Variants in TCF7L2 observed in about 807,000 individuals in gnomAD.
TCF7L2 encodes the protein transcription factor 7-like 2.
In TCF7L2, 23 loss-of-function variants were observed where a neutral mutation model predicts 77.9. That is an observed-to-expected ratio of 0.30 (90% CI 0.21 to 0.42). The LOEUF is 0.42. TCF7L2 is among the 10% of genes least tolerant of loss of function. The probability of loss-of-function intolerance (pLI) is 1.00; values close to 1 mark genes in which losing one functional copy is unlikely to be tolerated. For missense variants in TCF7L2, 654 were observed against 793.1 expected (o/e 0.82, Z 2.11); for synonymous variants, 413 against 340.2 (o/e 1.21, Z -2.36).
chr10:113,016,414 G>C (rs886104597), intron 4 of TCF7L2, among the ~76,000 whole-genome samples: 2 of 152,184 alleles, frequency 1.3e-5, no homozygotes, highest in African/African-American at 4.8e-5. Flanking sequence ...TGGGGAATCA[G>C]CTTGCTTCCT....
chr10:113,021,640 C>T (rs1047702270), intron 4 of TCF7L2, among the ~76,000 whole-genome samples: 9 of 152,200 alleles, frequency 5.9e-5, no homozygotes, highest in Non-Finnish European at 1.3e-4. Flanking sequence ...AAGTAACCCC[C>T]CCAGGGTCTC....
chr10:113,081,899 A>G (rs1010812988), intron 5 of TCF7L2, among the ~76,000 whole-genome samples: 6 of 152,286 alleles, frequency 3.9e-5, no homozygotes, highest in South Asian at 4.1e-4. Context: ...GTGCAGTGGC[A>G]TGATCTCGGC....
At chr10:113,144,486 G>A (rs1269774838) in intron 7 of TCF7L2, among the ~76,000 whole-genome samples, 4 of 152,092 alleles carry the variant, frequency 2.6e-5, no homozygotes, top group African/African-American at 7.2e-5. Flanking sequence ...GAACAAGAAC[G>A]GCCTTGTTTT....
At chr10:113,136,295 G>GGGGTA (rs1195852704) in intron 5 of TCF7L2, among the ~76,000 whole-genome samples, 1 of 152,186 alleles carries the variant, frequency 6.6e-6, no homozygotes, top group African/African-American at 2.4e-5. Context: ...TAGTGCTTCA[G>GGGGTA]GGGTAGCAGC....
intron 5 of TCF7L2, among the ~76,000 whole-genome samples, chr10:113,133,948 G>C (rs1318010231): frequency 6.6e-6 from 1 of 152,214 alleles, no homozygotes; most frequent in East Asian, 1.9e-4. Context: ...GCTGTGTACT[G>C]CGGCTGGCAG....
chr10:113,088,075 C>T (rs985817620), intron 5 of TCF7L2, among the ~76,000 whole-genome samples: 3 of 152,072 alleles, frequency 2.0e-5, no homozygotes, highest in Non-Finnish European at 4.4e-5. Flanking sequence ...ATGAAAAAAT[C>T]GTTCATGGAG....
At chr10:113,102,446 A>G (rs1237274792) in intron 5 of TCF7L2, among the ~76,000 whole-genome samples, 1 of 147,182 alleles carries the variant, frequency 6.8e-6, no homozygotes, top group Non-Finnish European at 1.5e-5. Context: ...TTTTTTTGAG[A>G]CAGAGTCTCG....
chr10:112,965,516 G>A (rs2036530638), intron 4 of TCF7L2, among the ~76,000 whole-genome samples: 2 of 152,198 alleles, frequency 1.3e-5, no homozygotes, highest in African/African-American at 4.8e-5. Context: ...AGGTCTAGCT[G>A]GAGAGCCTTC....
chr10:112,987,406 G>A (rs2041739807), intron 4 of TCF7L2: 1 of 143,444 alleles, frequency 7.0e-6, no homozygotes, highest in South Asian at 2.2e-4. Flanking sequence ...GAGCTTCCAG[G>A]AAGCAGAAGT....
chr10:113,161,559 C>T (rs1424799605), intron 13 of TCF7L2: 2 of 1,536,004 alleles, frequency 1.3e-6, no homozygotes, highest in African/African-American at 2.7e-5. Context: ...TGTGTTGTTT[C>T]TTTGTTCTGA....
At chr10:112,971,976 A>G (rs551773704) in intron 4 of TCF7L2, among the ~76,000 whole-genome samples, 1 of 151,328 alleles carries the variant, frequency 6.6e-6, no homozygotes, top group East Asian at 2.0e-4. Flanking sequence ...GCTGGTGTGC[A>G]GTGGTGCGAT....
At chr10:113,121,599 C>T (rs916471032) in intron 5 of TCF7L2, among the ~76,000 whole-genome samples, 3 of 152,156 alleles carry the variant, frequency 2.0e-5, no homozygotes, top group African/African-American at 7.2e-5. Flanking sequence ...AGGGAAAACA[C>T]TAACACAAAG....
intron 13 of TCF7L2, among the ~76,000 whole-genome samples, chr10:113,164,943 C>G (rs1230213410): frequency 6.6e-6 from 1 of 152,190 alleles, no homozygotes; most frequent in East Asian, 1.9e-4. Flanking sequence ...CTTTAAGCCT[C>G]TTGCTAGCGC....
At chr10:113,149,362 T>A (rs1367031244) in intron 8 of TCF7L2, among the ~76,000 whole-genome samples, 1 of 152,224 alleles carries the variant, frequency 6.6e-6, no homozygotes, top group Admixed American at 6.5e-5. Flanking sequence ...TTGTTATTTT[T>A]AAAATCATGT....
Position 112,961,230 on chromosome 10 carries a change from G to GTCTCGAAC in TCF7L2, c.382-3323_382-3316dup, listed in dbSNP as rs570810187. On this transcript the variant is annotated intron_variant, in intron 3 of 13. Coordinates refer to ENST00000627217, the MANE Select transcript of TCF7L2 (RefSeq NM_001146274.2). ...GGGTTTCACCATGTTGGTCAGGCTG[G>GTCTCGAAC]TCTCGAACTCCCGACCTCAGGTGAC... Among the ~76,000 whole-genome samples, 207 of 124,356 alleles carry GTCTCGAAC rather than the reference G, an allele frequency of 1.7e-3. 3 individuals are homozygous for GTCTCGAAC. The highest frequency in any genetic ancestry group is 7.4e-3 in the African/African-American group (201 of 27,338). The allele number at this position is 124,356 out of a possible 152,430, so 81.6% of individuals were successfully genotyped here.
In TCF7L2 at chr10:113,160,627, A is replaced by G. The variant is rs2137462379; in HGVS notation, c.1327A>G (p.Thr443Ala). 1 of 1,593,324 alleles carries G rather than the reference A, an allele frequency of 6.3e-7. No homozygotes were observed. The highest frequency in any genetic ancestry group is 8.6e-7 in the Non-Finnish European group (1 of 1,169,282). The stretch of plus-strand genomic sequence containing the variant: ...TTACCTTATGCTAACAGATGCAAAT[A>G]CTCCAAAGAAGTGTCGGGCACTGTT... The change falls in exon 13 of 14, where the codon ACT (threonine) becomes GCT (alanine). Residue 443 changes from threonine (T) to alanine (A), a missense_variant. Around this residue, in one of 6 missense-constraint regions of TCF7L2, gnomAD observed 272 missense variants for 215.4 expected, o/e 1.26. Transcript: ENST00000627217.
intron 5 of TCF7L2, among the ~76,000 whole-genome samples, chr10:113,134,687 A>T (rs1353392164): frequency 2.0e-5 from 3 of 152,226 alleles, no homozygotes; most frequent in Non-Finnish European, 4.4e-5. Context: ...CAGCCATAGT[A>T]AACGGCATCT....
At chr10:112,959,793 GGGCTTATAAT>G (rs1337121681) in intron 3 of TCF7L2, among the ~76,000 whole-genome samples, 6 of 152,088 alleles carry the variant, frequency 3.9e-5, no homozygotes, top group Admixed American at 3.9e-4. Context: ...AGGGGAAGCT[GGGCTTATAAT>G]GGCCTGTGGT....
intron 5 of TCF7L2, among the ~76,000 whole-genome samples, chr10:113,099,126 A>C (rs1332950833): frequency 1.3e-5 from 2 of 152,162 alleles, no homozygotes; most frequent in Admixed American, 6.5e-5. Flanking sequence ...CTGTACACCT[A>C]GCATGCTCTG....
Sources: allele counts gnomAD v4.1 joint callset (sites outside exome capture counted in the v4.1 genomes callset), GRCh38; gene constraint gnomAD v4.1.1; regional missense constraint gnomAD v4.1.1; transcripts MANE v1.5; gene names NCBI Gene and HGNC (gene_info 2026-07-23, HGNC 2026-07-21).